WDFY3: variants seen among roughly 807,000 people sequenced by gnomAD.
The protein encoded by WDFY3 is WD repeat and FYVE domain containing 3.
In WDFY3, 66 loss-of-function variants were observed where a neutral mutation model predicts 409.6. That is an observed-to-expected ratio of 0.16 (90% CI 0.13 to 0.20). The LOEUF is 0.20. Ranked by LOEUF, WDFY3 falls within the 10% of genes least tolerant of loss-of-function variation. WDFY3 has a pLI of 1.00. For synonymous variants in WDFY3, 1,521 were observed against 1,537.1 expected, an observed-to-expected ratio of 0.99 and a Z score of 0.25; for missense variants, 3,031 against 4,298.1, an observed-to-expected ratio of 0.71 and a Z score of 8.24.
rs1747430638 is a variant in WDFY3 at position 84,785,690 on chromosome 4, A to G, written c.4062+289T>C. Among the ~76,000 whole-genome samples, 4 of 152,228 alleles carry G rather than the reference A, an allele frequency of 2.6e-5. No homozygotes were observed. In the South Asian group the frequency reaches 8.3e-4, roughly 32 times the overall value. On this transcript the variant is annotated intron_variant, in intron 24 of 67. Transcript: ENST00000295888. ...TTAAAAAGTTGAGTTGTAGCCTTAA[A>G]AACAGTAATTGTTTTCATTAGTTTT...
chr4:84,812,548 CT>C (rs566440437), intron 13 of WDFY3, among the ~76,000 whole-genome samples: 170 of 152,164 alleles, frequency 1.1e-3, no homozygotes, highest in African/African-American at 4.0e-3. Flanking sequence ...TGTAAGAACC[CT>C]TAGAGAAGTG....
intron 16 of WDFY3, among the ~76,000 whole-genome samples, chr4:84,802,558 G>A (rs1374315716): frequency 6.6e-6 from 1 of 152,068 alleles, no homozygotes; most frequent in Admixed American, 6.5e-5. Context: ...GTGAGCCACC[G>A]CGCCTGGCCA....
intron 15 of WDFY3, among the ~76,000 whole-genome samples, chr4:84,807,991 A>C (rs1300184504): frequency 6.6e-6 from 1 of 152,146 alleles, no homozygotes; most frequent in East Asian, 1.9e-4. Context: ...AAAGTGGAAA[A>C]GTATTCTACT....
intron 27 of WDFY3, among the ~76,000 whole-genome samples, chr4:84,777,505 T>C (rs1030373574): frequency 2.0e-5 from 3 of 151,470 alleles, no homozygotes; most frequent in Admixed American, 6.6e-5. Flanking sequence ...AAACAGACAA[T>C]AGCCAATGTT....
At chr4:84,786,229 A>AGGCTT in intron 23 of WDFY3, 90 bp from the exon 24 acceptor site, 3 of 1,286,062 alleles carry the variant, frequency 2.3e-6, no homozygotes, top group Non-Finnish European at 3.1e-6. Context: ...TTAAATGAGG[A>AGGCTT]GGCTTGAAAG....
Position 84,721,511 on chromosome 4 carries a change from G to C in WDFY3, c.7503C>G (p.Asn2501Lys). ...RSAPDGGDEE[N>K]QEQLQDQIAE... ...CAATCTGGTCTTGTAGCTGCTCCTG[G>C]TTCTCCTCATCTCCTCCATCAGGTG... is the stretch of plus-strand genomic sequence containing the variant. Residue 2501 changes from asparagine (N) to lysine (K), a missense_variant, in exon 47 of 68, where the codon AAC becomes AAG. By Grantham distance (94) the Asn-to-Lys change is moderately conservative. Around this residue, in one of 16 missense-constraint regions of WDFY3, gnomAD observed 127 missense variants for 144.4 expected, o/e 0.88. Coordinates refer to ENST00000295888, the MANE Select transcript of WDFY3 (RefSeq NM_014991.6). 3 of 1,612,044 alleles carry C rather than the reference G, an allele frequency of 1.9e-6. No homozygotes were observed. Among genetic ancestry groups the C allele is most frequent in the Non-Finnish European group, 2.5e-6 (3 of 1,180,016 alleles).
intron 54 of WDFY3, 82 bp downstream of exon 54, chr4:84,705,312 G>A: frequency 1.0e-6 from 1 of 1,000,390 alleles, no homozygotes; most frequent in South Asian, 1.4e-5. Flanking sequence ...TTTGAAGGAG[G>A]ATGTAGGAAT....
chr4:84,940,262 G>A (rs898170874), intron 1 of WDFY3, among the ~76,000 whole-genome samples: 26 of 152,082 alleles, frequency 1.7e-4, no homozygotes, highest in Admixed American at 3.3e-4. Context: ...CTCTACCCAA[G>A]CTGACGGTAT....
At chr4:84,736,942 T>TG (rs977322533) in intron 41 of WDFY3, among the ~76,000 whole-genome samples, 3 of 149,410 alleles carry the variant, frequency 2.0e-5, no homozygotes, top group African/African-American at 7.4e-5. Flanking sequence ...CTGTTAGCAA[T>TG]GCATTACATT....
At chr4:84,854,465 A>G (rs539308597) in intron 4 of WDFY3, among the ~76,000 whole-genome samples, 1 of 152,344 alleles carries the variant, frequency 6.6e-6, no homozygotes, top group Admixed American at 6.5e-5. Context: ...TGTGTTCACT[A>G]CTTTCAACAA....
At chr4:84,719,438 A>G (rs10516727) in intron 47 of WDFY3, among the ~76,000 whole-genome samples, 23,616 of 152,228 alleles carry the variant, frequency 0.16, 2,055 homozygotes, top group South Asian at 0.29. Context: ...AAAATCAGCA[A>G]TTAAATCAGA....
Position 84,772,727 on chromosome 4 carries a change from C to A in WDFY3, c.4849+108G>T, listed in dbSNP as rs955306890. 1.5e-5 allele frequency: 13 copies of A among 867,376 alleles called. No individual in the cohort carries two copies. In the African/African-American group the frequency reaches 2.1e-4, roughly 14 times the overall value. 53.7% of individuals were successfully genotyped at this position (867,376 alleles called of 1,614,324 possible). A position where few individuals can be genotyped will look rare whatever the true frequency, so the allele number is the denominator to read the frequency against. On this transcript the variant is annotated intron_variant, in intron 30 of 67. Transcript: ENST00000295888. ...ACGTAATGTAAGGAGAAAAGTTATACATATATTATATATAATCACATGTAA... is the reference window on the plus strand; with the variant it reads ...ACGTAATGTAAGGAGAAAAGTTATAAATATATTATATATAATCACATGTAA...
chr4:84,812,635 T>C (rs913140477), intron 13 of WDFY3, among the ~76,000 whole-genome samples: 2 of 152,162 alleles, frequency 1.3e-5, no homozygotes, highest in African/African-American at 4.8e-5. Flanking sequence ...TATTATTTTA[T>C]AGATGAGGAG....
chr4:84,772,961 TTC>T, intron 29 of WDFY3, 32 bp from the exon 30 acceptor site: 1 of 1,522,476 alleles, frequency 6.6e-7, no homozygotes, highest in Non-Finnish European at 8.9e-7. Flanking sequence ...ATTATGGATT[TTC>T]TTTTTCCTCT....
intron 55 of WDFY3, among the ~76,000 whole-genome samples, chr4:84,702,803 A>C (rs1731259179): frequency 6.6e-6 from 1 of 152,238 alleles, no homozygotes; most frequent in African/African-American, 2.4e-5. Context: ...GGCTGTAAGA[A>C]ATATGAGTTC....
At chr4:84,697,495 C>T (rs1421427559) in intron 56 of WDFY3, among the ~76,000 whole-genome samples, 1 of 152,088 alleles carries the variant, frequency 6.6e-6, no homozygotes, top group Non-Finnish European at 1.5e-5. Context: ...TGTGATAAAG[C>T]ACATAAATAA....
At chr4:84,956,568 A>G (rs1203348579) in intron 1 of WDFY3, among the ~76,000 whole-genome samples, 2 of 152,142 alleles carry the variant, frequency 1.3e-5, no homozygotes. Flanking sequence ...GAATCAAACA[A>G]CTGTAATTAT....
At chr4:84,812,368 T>C (rs943999698) in intron 13 of WDFY3, among the ~76,000 whole-genome samples, 4 of 151,948 alleles carry the variant, frequency 2.6e-5, no homozygotes, top group Non-Finnish European at 5.9e-5. Flanking sequence ...CACACACACA[T>C]ACACTCCTTA....
chr4:84,913,726 G>A (rs554230309), intron 2 of WDFY3, among the ~76,000 whole-genome samples: 158 of 150,316 alleles, frequency 1.1e-3, no homozygotes, highest in African/African-American at 3.6e-3. Flanking sequence ...AGAAGGATTG[G>A]AAAAGAAATA....
Sources: allele counts gnomAD v4.1 joint callset (sites outside exome capture counted in the v4.1 genomes callset), GRCh38; gene constraint gnomAD v4.1.1; regional missense constraint gnomAD v4.1.1; transcripts MANE v1.5; gene names NCBI Gene and HGNC (gene_info 2026-07-23, HGNC 2026-07-21).